TENM3: variants seen among roughly 807,000 people sequenced by gnomAD.
The protein encoded by TENM3 is teneurin transmembrane protein 3, also known as teneurin-3.
A neutral mutation model predicts 255.1 loss-of-function variants in TENM3; 63 were observed. The observed-to-expected ratio is 0.25, with a 90% CI of 0.20 to 0.30. The LOEUF (loss-of-function observed/expected upper bound fraction) is 0.30, where lower values mean the gene tolerates loss of function less well. Among genes scored for constraint, TENM3 ranks in the 10% least tolerant of loss-of-function variants. The pLI is 1.00. For missense variants in TENM3, 2,929 were observed against 3,461.1 expected (o/e 0.85, Z 3.86); for synonymous variants, 1,306 against 1,322.3 (o/e 0.99, Z 0.27).
intron 3 of TENM3, among the ~76,000 whole-genome samples, chr4:182,470,317 T>G (rs925840288): frequency 5.9e-5 from 9 of 152,236 alleles, no homozygotes; most frequent in African/African-American, 2.2e-4. Context: ...CAGAAAGTAT[T>G]TTCTCACAAT....
intron 3 of TENM3, among the ~76,000 whole-genome samples, chr4:182,467,883 G>T (rs1732747170): frequency 6.6e-6 from 1 of 152,138 alleles, no homozygotes; most frequent in South Asian, 2.1e-4. Flanking sequence ...ATGGGAAGGG[G>T]TTCTAAATCA....
the TENM3 span, among the ~76,000 whole-genome samples, chr4:181,571,888 G>A: frequency 6.6e-6 from 1 of 151,924 alleles, no homozygotes; most frequent in African/African-American, 2.4e-5. Context: ...ATCTATTAAT[G>A]TCATCTTCTT....
At chr4:182,528,735 A>G (rs1342269155) in intron 3 of TENM3, among the ~76,000 whole-genome samples, 1 of 152,232 alleles carries the variant, frequency 6.6e-6, no homozygotes, top group Non-Finnish European at 1.5e-5. Flanking sequence ...TCCCTGGGCC[A>G]CATTGGAAGA....
the TENM3 span, among the ~76,000 whole-genome samples, chr4:182,000,253 T>C: frequency 6.6e-5 from 10 of 152,184 alleles, no homozygotes; most frequent in Non-Finnish European, 1.5e-4. Context: ...TCAGTCAGTG[T>C]TGGGGGAGCA....
At chr4:182,685,536 C>T (rs1015136790) in intron 11 of TENM3, among the ~76,000 whole-genome samples, 1 of 152,014 alleles carries the variant, frequency 6.6e-6, no homozygotes, top group African/African-American at 2.4e-5. Context: ...TTTGTAATTA[C>T]ATATAATTTA....
chr4:181,945,101 G>C, the TENM3 span, among the ~76,000 whole-genome samples: 2,662 of 129,262 alleles, frequency 0.021, 43 homozygotes, highest in Non-Finnish European at 0.033. Context: ...CTTCCGGTTT[G>C]GGGAGGGAAG....
the TENM3 span, among the ~76,000 whole-genome samples, chr4:181,835,676 G>A: frequency 1.7e-3 from 265 of 152,274 alleles, 2 homozygotes; most frequent in African/African-American, 5.9e-3. Context: ...TAATACTCCA[G>A]TTATTTAATG....
chr4:181,886,048 G>GT, the TENM3 span, among the ~76,000 whole-genome samples: 4,426 of 102,470 alleles, frequency 0.043, 94 homozygotes, highest in Non-Finnish European at 0.052. Flanking sequence ...TTTTTCTTGG[G>GT]TTTTTTTTTT....
upstream of TENM3, among the ~76,000 whole-genome samples, chr4:182,242,018 C>G (rs1757303502): frequency 1.0e-5 from 1 of 97,490 alleles, no homozygotes; most frequent in Non-Finnish European, 2.0e-5. Flanking sequence ...TTTTTTTCCT[C>G]TCTCTTTTTT....
chr4:181,475,930 A>C, the TENM3 span, among the ~76,000 whole-genome samples: 5 of 152,200 alleles, frequency 3.3e-5, no homozygotes, highest in Non-Finnish European at 7.3e-5. Context: ...CACCCCGCCG[A>C]GGTCTCCCCT....
At chr4:181,860,217 T>A in the TENM3 span, among the ~76,000 whole-genome samples, 1 of 152,330 alleles carries the variant, frequency 6.6e-6, no homozygotes, top group African/African-American at 2.4e-5. Flanking sequence ...TAAGCGCCTG[T>A]TAACTACAAT....
Position 182,345,060 on chromosome 4 carries a change from C to T in TENM3, c.233-1591C>T, listed in dbSNP as rs1764720945. On this transcript the variant is annotated intron_variant, in intron 2 of 27. Transcript: ENST00000511685. ...ACTTTTTGGTTCAGATACGTGTTCA[C>T]ATCTCTCTGATAAGCACACTTTGAT... Among the ~76,000 whole-genome samples the T allele has an allele frequency of 2.6e-5, 4 of 152,128 alleles. No homozygotes were observed. The South Asian group carries it at 8.3e-4, about 32-fold the overall frequency.
At chr4:182,301,951 G>A (rs1268870359) in intron 1 of TENM3, among the ~76,000 whole-genome samples, 10 of 152,140 alleles carry the variant, frequency 6.6e-5, no homozygotes, top group Non-Finnish European at 4.4e-5. Flanking sequence ...ACGCTCGGGT[G>A]CCTTCTGGGT....
the TENM3 span, among the ~76,000 whole-genome samples, chr4:182,009,607 A>G: frequency 1.3e-5 from 2 of 152,126 alleles, no homozygotes; most frequent in Non-Finnish European, 2.9e-5. Flanking sequence ...GCCTGGAGCT[A>G]TAGAAATGGG....
At chr4:181,460,434 T>G in the TENM3 span, among the ~76,000 whole-genome samples, 4 of 151,890 alleles carry the variant, frequency 2.6e-5, no homozygotes. Flanking sequence ...AGTGTTGTAT[T>G]TTTGTATTAT....
At chr4:182,042,154 T>A in the TENM3 span, among the ~76,000 whole-genome samples, 1 of 152,144 alleles carries the variant, frequency 6.6e-6, no homozygotes. Flanking sequence ...AGTTCTCTTG[T>A]TCTCAGGAAG....
intron 1 of TENM3, among the ~76,000 whole-genome samples, chr4:182,250,209 C>T (rs1414022195): frequency 2.6e-5 from 4 of 151,596 alleles, no homozygotes; most frequent in African/African-American, 9.7e-5. Context: ...CCCGCCACCA[C>T]GCCCGGCTAC....
chr4:182,755,113 C>T lies in TENM3; in HGVS notation c.4746C>T (p.Asn1582=), dbSNP rs114002088. The change falls in exon 22 of 28, where the codon AAC becomes AAT. Residue 1582 remains asparagine, a synonymous_variant. Coordinates refer to ENST00000511685, the MANE Select transcript of TENM3 (RefSeq NM_001080477.4). ...CAGTTCGAGTGGTGTCTCCTGATAA[C>T]CAAGTGATATGGTTGACAATAGGAA... ...RMPVRVVSPD[N]QVIWLTIGTN... is the part of the protein sequence containing the mutation. 1,306 of 1,613,914 alleles carry T rather than the reference C, an allele frequency of 8.1e-4. 7 individuals are homozygous for T. The African/African-American group carries it at 0.014, about 17-fold the overall frequency.
intron 3 of TENM3, among the ~76,000 whole-genome samples, chr4:182,581,911 A>G (rs12643941): frequency 0.75 from 113,590 of 152,028 alleles, 44,193 homozygotes; most frequent in Non-Finnish European, 0.86. Context: ...TTAACCTCAC[A>G]TATATTTTTG....
Sources: gnomAD v4.1 joint callset for allele counts (sites outside exome capture counted in the v4.1 genomes callset) on GRCh38, gnomAD v4.1.1 for gene constraint, MANE v1.5 for transcripts, NCBI Gene and HGNC (gene_info 2026-07-23, HGNC 2026-07-21) for gene names.